MARCHF1: variants seen among roughly 807,000 people sequenced by gnomAD.
MARCHF1 encodes the protein E3 ubiquitin-protein ligase MARCHF1.
Under a neutral mutation model 54.2 loss-of-function variants are expected in MARCHF1, and 40 were observed. That is an observed-to-expected ratio of 0.74 (90% confidence interval 0.57 to 0.96). The LOEUF (loss-of-function observed/expected upper bound fraction) is 0.96. MARCHF1 is among the 40% of genes least tolerant of loss of function. The probability of loss-of-function intolerance (pLI) is 0.00; values close to 1 mark genes in which losing one functional copy is unlikely to be tolerated. For synonymous variants in MARCHF1, 236 were observed against 236.3 expected (o/e 1.00, Z 0.01); for missense variants, 586 against 656.5 (o/e 0.89, Z 1.17).
At chr4:164,229,871 T>G (rs763378414) in intron 1 of MARCHF1, among the ~76,000 whole-genome samples, 4 of 152,124 alleles carry the variant, frequency 2.6e-5, no homozygotes, top group Non-Finnish European at 5.9e-5. Context: ...GTGATGATGC[T>G]AAACCATTCA....
rs563693797 is a variant in MARCHF1 at position 164,365,702 on chromosome 4, A to G, written c.-323+18168T>C. Among the ~76,000 whole-genome samples the G allele has an allele frequency of 5.9e-5, 9 of 152,152 alleles. No individual in the cohort carries two copies. In the East Asian group the frequency reaches 1.2e-3, roughly 20 times the overall value. On this transcript the variant is annotated intron_variant, in intron 1 of 9. Coordinates refer to ENST00000514618, the MANE Select transcript of MARCHF1 (RefSeq NM_001394959.1). The stretch of plus-strand genomic sequence containing the variant: ...TTAGAAGAATTAAGCTATGTCCCCA[A>G]TGTCAGAGGCCAATGAAAAGTTGAA...
intron 3 of MARCHF1, among the ~76,000 whole-genome samples, chr4:163,920,786 T>C (rs2111362071): frequency 6.6e-6 from 1 of 152,324 alleles, no homozygotes; most frequent in East Asian, 1.9e-4. Flanking sequence ...AAATCAGTTA[T>C]TGAATCTTTT....
chr4:163,573,293 C>CTATTAT (rs1481195215), intron 8 of MARCHF1, among the ~76,000 whole-genome samples: 32 of 104,518 alleles, frequency 3.1e-4, no homozygotes, highest in Non-Finnish European at 2.6e-4. Context: ...GATGCTTTTT[C>CTATTAT]TCTTATTATT....
intron 2 of MARCHF1, among the ~76,000 whole-genome samples, chr4:164,015,837 C>T (rs931625956): frequency 1.3e-4 from 19 of 151,618 alleles, no homozygotes; most frequent in Non-Finnish European, 1.8e-4. Flanking sequence ...GCCCTTTATA[C>T]GCTGTTGGTA....
chr4:163,991,967 T>C (rs1013717424), intron 2 of MARCHF1, among the ~76,000 whole-genome samples: 1 of 150,488 alleles, frequency 6.6e-6, no homozygotes, highest in African/African-American at 2.5e-5. Context: ...CTGTTCCTTA[T>C]TCTCAGTGGC....
At chr4:163,796,221 G>GTTT (rs36039503) in intron 4 of MARCHF1, among the ~76,000 whole-genome samples, 3,294 of 82,126 alleles carry the variant, frequency 0.04, 145 homozygotes, top group South Asian at 0.073. Flanking sequence ...GAAACTTCTA[G>GTTT]TTTTTTTTTT....
At chr4:164,167,359 A>C (rs970802221) in intron 1 of MARCHF1, among the ~76,000 whole-genome samples, 4 of 151,860 alleles carry the variant, frequency 2.6e-5, no homozygotes, top group Admixed American at 6.6e-5. Flanking sequence ...TCCCTACCCA[A>C]AGCAACATGC....
intron 4 of MARCHF1, among the ~76,000 whole-genome samples, chr4:163,825,249 C>T (rs531748378): frequency 3.3e-5 from 5 of 151,978 alleles, no homozygotes; most frequent in Admixed American, 6.6e-5. Flanking sequence ...CAGCTCCAAC[C>T]ATGTTGCTGC....
intron 4 of MARCHF1, among the ~76,000 whole-genome samples, chr4:163,726,059 T>A (rs1488994836): frequency 6.6e-6 from 1 of 152,142 alleles, no homozygotes; most frequent in Non-Finnish European, 1.5e-5. Context: ...CATCCCTACA[T>A]ATATACAGCC....
chr4:163,813,032 T>C (rs1421328482), intron 4 of MARCHF1, among the ~76,000 whole-genome samples: 3 of 152,190 alleles, frequency 2.0e-5, no homozygotes, highest in Non-Finnish European at 2.9e-5. Context: ...AAAGTCATTA[T>C]GATTTTAGAG....
chr4:164,106,542 C>G (rs370846561), intron 2 of MARCHF1, among the ~76,000 whole-genome samples: 8,336 of 137,390 alleles, frequency 0.061, 192 homozygotes, highest in Middle Eastern at 0.14. Flanking sequence ...CGCATATTCT[C>G]ACTCATAGGT....
chr4:164,076,324 T>C (rs1754979831), intron 2 of MARCHF1, among the ~76,000 whole-genome samples: 1 of 152,110 alleles, frequency 6.6e-6, no homozygotes, highest in Non-Finnish European at 1.5e-5. Flanking sequence ...GAAAAGGCCT[T>C]CAATAAAATT....
intron 1 of MARCHF1, among the ~76,000 whole-genome samples, chr4:164,365,377 G>A (rs4422381): frequency 0.51 from 78,111 of 151,796 alleles, 21,010 homozygotes; most frequent in East Asian, 0.65. Flanking sequence ...GCTTTCTTAA[G>A]TAGAAATTGA....
rs76460076 is a variant in MARCHF1 at position 164,305,644 on chromosome 4, G to A, written c.-323+78226C>T. Among the ~76,000 whole-genome samples, 81 of 152,212 alleles carry A rather than the reference G, an allele frequency of 5.3e-4. No individual in the cohort carries two copies. The East Asian group carries it at 0.014, about 26-fold the overall frequency. On this transcript the variant is annotated intron_variant, in intron 1 of 9. Coordinates refer to ENST00000514618, the MANE Select transcript of MARCHF1 (RefSeq NM_001394959.1). The stretch of plus-strand genomic sequence containing the variant: ...TTGAAGTGTTTATTTTGTAAAGACT[G>A]CATTTAATATTTTTACTTACCAATG...
chr4:164,346,732 G>C (rs1202299084), intron 1 of MARCHF1, among the ~76,000 whole-genome samples: 1 of 148,644 alleles, frequency 6.7e-6, no homozygotes, highest in African/African-American at 2.5e-5. Flanking sequence ...TTCAGAGATG[G>C]TATGGAATTA....
At chr4:163,567,215 A>G (rs1156802700) in intron 8 of MARCHF1, among the ~76,000 whole-genome samples, 1 of 152,178 alleles carries the variant, frequency 6.6e-6, no homozygotes, top group Non-Finnish European at 1.5e-5. Context: ...TAAGAAATGA[A>G]GTGTGGCAGA....
At chr4:164,224,794 C>T (rs906006099) in intron 1 of MARCHF1, among the ~76,000 whole-genome samples, 6 of 152,016 alleles carry the variant, frequency 3.9e-5, no homozygotes, top group Admixed American at 6.6e-5. Flanking sequence ...TAGAAAGCAA[C>T]ATATAAAGTT....
intron 3 of MARCHF1, among the ~76,000 whole-genome samples, chr4:163,944,697 C>G (rs1448889862): frequency 1.3e-5 from 2 of 152,136 alleles, no homozygotes; most frequent in Non-Finnish European, 2.9e-5. Flanking sequence ...TTCTTGGAAA[C>G]TGAGGTAATA....
chr4:163,831,993 G>T (rs958415491), intron 4 of MARCHF1, among the ~76,000 whole-genome samples: 16 of 152,188 alleles, frequency 1.1e-4, no homozygotes, highest in Admixed American at 9.2e-4. Flanking sequence ...TCTATGATTT[G>T]GAAAGAAAAC....
Sources: allele counts gnomAD v4.1 joint callset (sites outside exome capture counted in the v4.1 genomes callset), GRCh38; gene constraint gnomAD v4.1.1; transcripts MANE v1.5; gene names NCBI Gene and HGNC (gene_info 2026-07-23, HGNC 2026-07-21).